VPS45: variants seen among roughly 807,000 people sequenced by gnomAD.
VPS45 encodes the protein vacuolar protein sorting 45 homolog.
A neutral mutation model predicts 75.9 loss-of-function variants in VPS45; 35 were observed. That is an observed-to-expected ratio of 0.46 (90% CI 0.35 to 0.61). The LOEUF (loss-of-function observed/expected upper bound fraction) is 0.61. Ranked by LOEUF, VPS45 falls within the 20% of genes least tolerant of loss-of-function variation. The pLI, the probability that VPS45 is intolerant of heterozygous loss-of-function variation, is 0.00. For missense variants in VPS45, 559 were observed against 685.9 expected, an observed-to-expected ratio of 0.81 and a Z score of 2.07; for synonymous variants, 220 against 238.2, an observed-to-expected ratio of 0.92 and a Z score of 0.70.
At chr1:150,083,258 C>G (rs1655816485) in intron 10 of VPS45, 1 of 160,450 alleles carries the variant, frequency 6.2e-6, no homozygotes, top group African/African-American at 2.4e-5. Flanking sequence ...ATACTCATCT[C>G]ACAGAGTGGT....
intron 14 of VPS45, among the ~76,000 whole-genome samples, chr1:150,115,066 A>G (rs959071023): frequency 1.3e-5 from 2 of 152,186 alleles, no homozygotes; most frequent in Non-Finnish European, 1.5e-5. Context: ...GGTATGAAAA[A>G]GTCATGTTTG....
intron 10 of VPS45, among the ~76,000 whole-genome samples, chr1:150,088,523 A>G (rs1571843770): frequency 1.7e-5 from 2 of 121,086 alleles, no homozygotes; most frequent in Non-Finnish European, 3.2e-5. Flanking sequence ...TCTATCGCCC[A>G]GGCTAGAGGG....
At chr1:150,112,467 G>C (rs1490619903) in intron 14 of VPS45, among the ~76,000 whole-genome samples, 2 of 152,040 alleles carry the variant, frequency 1.3e-5, no homozygotes, top group East Asian at 3.9e-4. Flanking sequence ...TTTTAGTTTT[G>C]TGTAAACTGT....
upstream of VPS45, chr1:150,067,662 T>G: frequency 1.8e-6 from 1 of 544,684 alleles, no homozygotes; most frequent in Non-Finnish European, 3.2e-6. Flanking sequence ...TCAGCCGGAT[T>G]TTTCCATCCC....
intron 3 of VPS45, among the ~76,000 whole-genome samples, chr1:150,074,955 C>CTTTTTTTTTTTT (rs782039324): frequency 1.2e-5 from 1 of 81,108 alleles, no homozygotes; most frequent in African/African-American, 5.5e-5. Context: ...ATTATTTATT[C>CTTTTTTTTTTTT]TTTTTTTTTT....
rs1376351631 is a variant in VPS45, at chr1:150,125,973, AC to A, written c.1625+15347del. Among the ~76,000 whole-genome samples the A allele has an allele frequency of 4.6e-5, 7 of 152,058 alleles. No individual in the cohort carries two copies. In the East Asian group the frequency reaches 9.7e-4, roughly 21 times the overall value. ...AGTGGTGGGATTATAGATATGAGCC[AC>A]TGCCCCTGGCCAAGCTTACATTTTT... On this transcript the variant is annotated intron_variant, in intron 14 of 14. Coordinates refer to ENST00000644510, the MANE Select transcript of VPS45 (RefSeq NM_007259.5).
intron 14 of VPS45, among the ~76,000 whole-genome samples, chr1:150,116,557 T>G (rs1331973688): frequency 1.3e-5 from 2 of 152,178 alleles, no homozygotes; most frequent in African/African-American, 4.8e-5. Flanking sequence ...GAACCCATGC[T>G]TTTAACCACT....
chr1:150,126,894 T>C (rs1559940179), intron 14 of VPS45, among the ~76,000 whole-genome samples: 1 of 152,120 alleles, frequency 6.6e-6, no homozygotes, highest in African/African-American at 2.4e-5. Flanking sequence ...ACTGACATTT[T>C]CTCCTTCAAA....
chr1:150,070,531 G>A lies in VPS45; in HGVS notation c.229-1635G>A, dbSNP rs587734346. Among the ~76,000 whole-genome samples, 11 of 151,858 alleles carry A rather than the reference G, an allele frequency of 7.2e-5. 1 individual carries two copies. In the South Asian group the frequency reaches 1.7e-3, roughly 23 times the overall value. On this transcript the variant is annotated intron_variant, in intron 2 of 14. Coordinates refer to ENST00000644510, the MANE Select transcript of VPS45 (RefSeq NM_007259.5). ...CTTTTGGCCGGGCGCGGTGGCTCAC[G>A]CCTGTAATCCTAGCACTTTGGGAGG... is the stretch of plus-strand genomic sequence containing the variant.
At position 150,083,655 on chromosome 1, in the gene VPS45, G is replaced by GATAT. The variant is rs10591209; in HGVS notation, c.1104+783_1104+786dup. Among the ~76,000 whole-genome samples the GATAT allele has an allele frequency of 6.2e-3, 914 of 146,974 alleles. 14 individuals carry two copies. The highest frequency in any genetic ancestry group is 0.022 in the African/African-American group (874 of 40,338). ...ATGAAGATGTGAAGAAATAAATATTGATATATATATATATTTTCTATATAT... is the reference window on the plus strand; with the variant it reads ...ATGAAGATGTGAAGAAATAAATATTGATATATATATATATATATTTTCTATATAT... On this transcript the variant is annotated intron_variant, in intron 10 of 14. Transcript: ENST00000644510.
chr1:150,121,076 C>T (rs1167717649), intron 14 of VPS45, among the ~76,000 whole-genome samples: 1 of 151,762 alleles, frequency 6.6e-6, no homozygotes. Context: ...ACTGTGGTCT[C>T]GATCTCCTGA....
chr1:150,069,788 C>T (rs1463557490), intron 2 of VPS45, among the ~76,000 whole-genome samples: 2 of 152,114 alleles, frequency 1.3e-5, no homozygotes, highest in East Asian at 3.9e-4. Flanking sequence ...TCATGTTCTT[C>T]AACTCTAATG....
At position 150,139,044 on chromosome 1, in the gene VPS45, C is replaced by T. The variant is rs184451890; in HGVS notation, c.1626-5665C>T. On this transcript the variant is annotated intron_variant, in intron 14 of 14. Coordinates refer to ENST00000644510, the MANE Select transcript of VPS45 (RefSeq NM_007259.5). ...CCACTACTGCTCTGGTCCATGCCAC[C>T]GTCACTTCCCACTGGGATTACTGCA... is the stretch of plus-strand genomic sequence containing the variant. Among the ~76,000 whole-genome samples, 3 of 152,214 alleles carry T rather than the reference C, an allele frequency of 2.0e-5. No homozygotes were observed. In the East Asian group the frequency reaches 5.8e-4, roughly 29 times the overall value.
At chr1:150,143,972 G>C (rs187965533) in intron 14 of VPS45, among the ~76,000 whole-genome samples, 3 of 152,202 alleles carry the variant, frequency 2.0e-5, no homozygotes, top group Non-Finnish European at 4.4e-5. Flanking sequence ...ACGGTGCTCA[G>C]AACAAAATGA....
intron 3 of VPS45, among the ~76,000 whole-genome samples, chr1:150,075,898 C>T (rs1188802702): frequency 3.4e-5 from 4 of 117,952 alleles, no homozygotes; most frequent in South Asian, 5.9e-4. Context: ...TACAGGCGTC[C>T]GCCACCACGC....
intron 14 of VPS45, among the ~76,000 whole-genome samples, chr1:150,129,777 T>C (rs587694173): frequency 6.6e-5 from 10 of 151,640 alleles, no homozygotes; most frequent in African/African-American, 2.4e-4. Flanking sequence ...GGTCTCAAAG[T>C]CCTGACCTCA....
intron 14 of VPS45, among the ~76,000 whole-genome samples, chr1:150,136,636 C>A (rs952109478): frequency 1.3e-5 from 2 of 151,940 alleles, no homozygotes; most frequent in African/African-American, 4.8e-5. Context: ...ATAATTAATT[C>A]TGACAGAGTA....
At position 150,075,745 on chromosome 1, in the gene VPS45, A is replaced by G. The variant is rs1342341057; in HGVS notation, c.290-488A>G. 2.0e-5 allele frequency among the ~76,000 whole-genome samples: 3 copies of G among 152,192 alleles called. No individual in the cohort carries two copies. In the East Asian group the frequency reaches 5.8e-4, roughly 29 times the overall value. On this transcript the variant is annotated intron_variant, in intron 3 of 14. Transcript: ENST00000644510. Reference sequence around the variant, plus strand: ...TTTCAATAAAATGACTTACTTCCCTAGTATTCTCATTCTCCAATTCCTCCG... The same window carrying G: ...TTTCAATAAAATGACTTACTTCCCTGGTATTCTCATTCTCCAATTCCTCCG...
chr1:150,112,750 C>T (rs1181844702), intron 14 of VPS45, among the ~76,000 whole-genome samples: 4 of 152,290 alleles, frequency 2.6e-5, no homozygotes, highest in East Asian at 1.9e-4. Context: ...ACCCGTATTT[C>T]GGGAGTGACT....
Sources: gnomAD v4.1 joint callset for allele counts (sites outside exome capture counted in the v4.1 genomes callset) on GRCh38, gnomAD v4.1.1 for gene constraint, MANE v1.5 for transcripts, NCBI Gene and HGNC (gene_info 2026-07-23, HGNC 2026-07-21) for gene names.